The following CYFIP1 variants were observed in gnomAD, a reference collection of about 807,000 sequenced individuals.
The protein encoded by CYFIP1 is cytoplasmic FMR1-interacting protein 1.
A neutral mutation model predicts 163.5 loss-of-function variants in CYFIP1; 58 were observed. That is an observed-to-expected ratio of 0.35 (90% CI 0.29 to 0.44). CYFIP1 has a LOEUF of 0.44. Among genes scored for constraint, CYFIP1 ranks in the 20% least tolerant of loss-of-function variants. The pLI is 1.00. For missense variants in CYFIP1, 1,338 were observed against 1,653.8 expected (o/e 0.81, Z 3.31); for synonymous variants, 663 against 660.7 (o/e 1.00, Z -0.05).
intron 1 of CYFIP1, among the ~76,000 whole-genome samples, chr15:22,971,131 G>A (rs1187532871): frequency 3.3e-5 from 5 of 152,070 alleles, no homozygotes; most frequent in African/African-American, 7.2e-5. Flanking sequence ...ACAGATCAAC[G>A]CCTAAACATC....
intron 9 of CYFIP1, 65 bp downstream of exon 9, chr15:22,937,039 A>G: frequency 1.8e-6 from 2 of 1,129,770 alleles, no homozygotes; most frequent in Non-Finnish European, 2.7e-6. Flanking sequence ...ACAGGGGCTC[A>G]CTTCCCCAAA....
chr15:22,940,880 A>C (rs1480881301), intron 6 of CYFIP1, among the ~76,000 whole-genome samples: 1 of 152,086 alleles, frequency 6.6e-6, no homozygotes, highest in Non-Finnish European at 1.5e-5. Flanking sequence ...TCTCTACTAA[A>C]AATATAAAAA....
rs536010370 is a variant in CYFIP1, at chr15:22,973,710, T to C, written c.-7+6577A>G. Among the ~76,000 whole-genome samples the C allele has an allele frequency of 4.6e-5, 7 of 152,202 alleles. No homozygotes were observed. In the South Asian group the frequency reaches 8.3e-4, roughly 18 times the overall value. On this transcript the variant is annotated intron_variant, in intron 1 of 30. Coordinates refer to ENST00000617928, the MANE Select transcript of CYFIP1 (RefSeq NM_014608.6). ...GGCCACAAAAGAAAAAATAGACAAA[T>C]GGGATTACATCAAACTAAAAATGTT... is the stretch of plus-strand genomic sequence containing the variant.
intron 10 of CYFIP1, 38 bp downstream of exon 10, chr15:22,933,764 C>CCTTT: frequency 6.7e-7 from 1 of 1,501,260 alleles, no homozygotes. Flanking sequence ...GAGGACACTG[C>CCTTT]CGAAAGCTCA....
At chr15:22,960,103 C>T (rs1017882045) in intron 1 of CYFIP1, among the ~76,000 whole-genome samples, 2 of 152,188 alleles carry the variant, frequency 1.3e-5, no homozygotes, top group African/African-American at 2.4e-5. Context: ...GAGTGTCTCC[C>T]GGGCTCCACC....
At chr15:22,937,596 C>CTTTTTTTTTTTTT (rs919893437) in intron 8 of CYFIP1, among the ~76,000 whole-genome samples, 1 of 143,744 alleles carries the variant, frequency 7.0e-6, no homozygotes, top group Non-Finnish European at 1.5e-5. Context: ...ACTAAAAATT[C>CTTTTTTTTTTTTT]TTTTTTTGTT....
At position 22,918,219 on chromosome 15, in the gene CYFIP1, G is replaced by T. The variant is rs549990476; in HGVS notation, c.1527-284C>A. 2.6e-5 allele frequency among the ~76,000 whole-genome samples: 4 copies of T among 152,286 alleles called. No homozygotes were observed. The East Asian group carries it at 7.7e-4, about 29-fold the overall frequency. On this transcript the variant is annotated intron_variant, in intron 14 of 30. Transcript: ENST00000617928. Reference sequence around the variant, plus strand: ...TGAGGTGGCTCTGAGTCATGCTGTGGGCAGGGAGAGGGCAGAACACAGCCT... The same window carrying T: ...TGAGGTGGCTCTGAGTCATGCTGTGTGCAGGGAGAGGGCAGAACACAGCCT...
chr15:22,886,954 G>C (rs2059941662), intron 23 of CYFIP1, among the ~76,000 whole-genome samples: 1 of 152,178 alleles, frequency 6.6e-6, no homozygotes, highest in African/African-American at 2.4e-5. Flanking sequence ...AAGTACAGAA[G>C]CCTTGTTGTT....
intron 1 of CYFIP1, among the ~76,000 whole-genome samples, chr15:22,973,374 C>T (rs1196658221): frequency 6.8e-6 from 1 of 146,086 alleles, no homozygotes; most frequent in Non-Finnish European, 1.5e-5. Flanking sequence ...GTTATTCTCA[C>T]TTTTTCTACC....
At chr15:22,979,533 C>T (rs2063396001) in intron 1 of CYFIP1, among the ~76,000 whole-genome samples, 1 of 152,188 alleles carries the variant, frequency 6.6e-6, no homozygotes, top group African/African-American at 2.4e-5. Context: ...CCTGACTGGA[C>T]TTAATAGCGG....
chr15:22,900,883 A>T (rs756286227), intron 22 of CYFIP1, among the ~76,000 whole-genome samples: 1 of 151,958 alleles, frequency 6.6e-6, no homozygotes, highest in African/African-American at 2.4e-5. Context: ...GCAGAATTCC[A>T]GCTAGTACCT....
intron 23 of CYFIP1, among the ~76,000 whole-genome samples, chr15:22,889,363 C>T (rs1286681854): frequency 1.3e-5 from 2 of 152,254 alleles, no homozygotes; most frequent in East Asian, 3.9e-4. Context: ...ATGTGCACCC[C>T]GCACCACCAC....
At position 22,947,304 on chromosome 15, in the gene CYFIP1, A is replaced by C. The variant is rs780598173; in HGVS notation, c.-6-13T>G. On this transcript the variant is annotated splice_polypyrimidine_tract_variant and intron_variant, in intron 1 of 30. Coordinates refer to ENST00000617928, the MANE Select transcript of CYFIP1 (RefSeq NM_014608.6). ...CCGCCATCCTGGGCTGGAACAACAC[A>C]TAAGGACCCCTGTTCTGTGAGGAGA... 2.5e-6 allele frequency: 4 copies of C among 1,612,154 alleles called. No individual in the cohort carries two copies. The highest frequency in any genetic ancestry group is 1.7e-4 in the Middle Eastern group (1 of 5,812).
intron 22 of CYFIP1, among the ~76,000 whole-genome samples, chr15:22,899,271 G>A (rs918717407): frequency 1.3e-5 from 2 of 152,172 alleles, no homozygotes; most frequent in Non-Finnish European, 2.9e-5. Context: ...AGACTAGAAT[G>A]AACTCTGCAG....
intron 23 of CYFIP1, among the ~76,000 whole-genome samples, chr15:22,890,879 T>C (rs1043699820): frequency 2.0e-5 from 3 of 150,142 alleles, no homozygotes; most frequent in East Asian, 2.0e-4. Flanking sequence ...GAACGCGGAG[T>C]GTGGAATGAT....
chr15:22,919,652 G>A (rs976467852), intron 13 of CYFIP1, among the ~76,000 whole-genome samples: 2 of 152,154 alleles, frequency 1.3e-5, no homozygotes, highest in African/African-American at 2.4e-5. Flanking sequence ...AATAGCACCA[G>A]TGAAACATAA....
intron 22 of CYFIP1, among the ~76,000 whole-genome samples, chr15:22,893,470 T>C (rs2060137682): frequency 1.3e-5 from 2 of 152,224 alleles, no homozygotes; most frequent in Admixed American, 1.3e-4. Context: ...TCCATTTTCA[T>C]GCAGAAACAT....
intron 22 of CYFIP1, among the ~76,000 whole-genome samples, chr15:22,901,729 C>A (rs2060399997): frequency 6.6e-6 from 1 of 152,240 alleles, no homozygotes; most frequent in Non-Finnish European, 1.5e-5. Flanking sequence ...TGCCATGTAG[C>A]TCTCAGAAAA....
intron 21 of CYFIP1, chr15:22,904,841 G>A (rs2060516479): frequency 6.6e-6 from 1 of 152,164 alleles, no homozygotes; most frequent in Admixed American, 6.5e-5. Context: ...TGAATACGCA[G>A]GGCCCTGCTC....
Sources: allele counts gnomAD v4.1 joint callset (sites outside exome capture counted in the v4.1 genomes callset), GRCh38; gene constraint gnomAD v4.1.1; transcripts MANE v1.5; gene names NCBI Gene and HGNC (gene_info 2026-07-23, HGNC 2026-07-21).